Variants in PDE11A observed in about 807,000 individuals in gnomAD.
PDE11A encodes dual 3',5'-cyclic-AMP and -GMP phosphodiesterase 11A.
A neutral mutation model predicts 100.5 loss-of-function variants in PDE11A; 100 were observed. That is an observed-to-expected ratio of 1.00 (90% CI 0.85 to 1.18). PDE11A has a LOEUF of 1.18. PDE11A is among the 50% of genes most tolerant of loss of function. PDE11A has a pLI of 0.00. For missense variants in PDE11A, 1,141 were observed against 1,152.6 expected, an observed-to-expected ratio of 0.99 and a Z score of 0.15; for synonymous variants, 381 against 420.8, an observed-to-expected ratio of 0.91 and a Z score of 1.16.
At chr2:177,984,288 C>T (rs1164355838) in intron 2 of PDE11A, among the ~76,000 whole-genome samples, 1 of 152,096 alleles carries the variant, frequency 6.6e-6, no homozygotes, top group African/African-American at 2.4e-5. Context: ...CAGATTGTAG[C>T]AACAGGGTAA....
At chr2:178,082,733 C>T (rs1456173259) in intron 2 of PDE11A, among the ~76,000 whole-genome samples, 1 of 152,192 alleles carries the variant, frequency 6.6e-6, no homozygotes, top group Non-Finnish European at 1.5e-5. Flanking sequence ...TGTTTTTGCT[C>T]TCTGACATCA....
chr2:177,725,241 A>G (rs908430106), intron 12 of PDE11A, among the ~76,000 whole-genome samples: 1 of 152,120 alleles, frequency 6.6e-6, no homozygotes, highest in African/African-American at 2.4e-5. Context: ...TACTTCTGTA[A>G]TTATTTTCTT....
intron 14 of PDE11A, among the ~76,000 whole-genome samples, chr2:177,700,682 C>G (rs2081183766): frequency 1.3e-5 from 2 of 152,168 alleles, no homozygotes; most frequent in South Asian, 4.1e-4. Flanking sequence ...TATAGTTTCT[C>G]AATTGTGCTA....
At chr2:177,893,889 T>A (rs1294376889) in intron 4 of PDE11A, among the ~76,000 whole-genome samples, 1 of 152,200 alleles carries the variant, frequency 6.6e-6, no homozygotes, top group Non-Finnish European at 1.5e-5. Context: ...ATATACCTAT[T>A]ATTGAAATAT....
intron 9 of PDE11A, among the ~76,000 whole-genome samples, chr2:177,777,269 T>C (rs1043146688): frequency 2.6e-5 from 4 of 152,158 alleles, no homozygotes; most frequent in Non-Finnish European, 5.9e-5. Flanking sequence ...TTTGTTGTTA[T>C]GGCAGCCCAA....
At chr2:177,996,009 C>T (rs1205032026) in intron 2 of PDE11A, among the ~76,000 whole-genome samples, 1 of 152,044 alleles carries the variant, frequency 6.6e-6, no homozygotes, top group Non-Finnish European at 1.5e-5. Flanking sequence ...GGTGGATTGC[C>T]TGAGGTTAGG....
At chr2:177,971,429 C>G (rs2085769153) in intron 2 of PDE11A, among the ~76,000 whole-genome samples, 1 of 152,114 alleles carries the variant, frequency 6.6e-6, no homozygotes, top group Non-Finnish European at 1.5e-5. Context: ...TAGGAAGGCT[C>G]AAAAGTCCCT....
chr2:178,062,416 G>A (rs2086984381), intron 1 of PDE11A, among the ~76,000 whole-genome samples: 1 of 151,948 alleles, frequency 6.6e-6, no homozygotes, highest in African/African-American at 2.4e-5. Flanking sequence ...GTGGTTCTCT[G>A]GAAGCAAAAG....
intron 3 of PDE11A, among the ~76,000 whole-genome samples, chr2:177,904,618 G>A (rs923836168): frequency 1.3e-5 from 2 of 149,338 alleles, no homozygotes; most frequent in African/African-American, 2.5e-5. Context: ...GCAGTGGTGC[G>A]ATCTCCACTC....
intron 9 of PDE11A, among the ~76,000 whole-genome samples, chr2:177,810,489 G>C (rs943699321): frequency 2.6e-5 from 4 of 152,132 alleles, no homozygotes; most frequent in Non-Finnish European, 5.9e-5. Context: ...TGCTTTGAAT[G>C]ATGGGAACAT....
At chr2:177,747,161 T>C (rs143705433) in intron 10 of PDE11A, among the ~76,000 whole-genome samples, 34 of 152,278 alleles carry the variant, frequency 2.2e-4, no homozygotes, top group African/African-American at 7.0e-4. Context: ...CATATAACAG[T>C]ACTCTGAGGG....
chr2:178,015,880 A>G (rs536104252), intron 1 of PDE11A, among the ~76,000 whole-genome samples: 81 of 152,270 alleles, frequency 5.3e-4, no homozygotes, highest in Non-Finnish European at 9.0e-4. Context: ...TCTGATGATA[A>G]ACTATTTCAA....
In PDE11A at chr2:177,758,296, CAAAA is replaced by C. The variant is rs78765770; in HGVS notation, c.1788+11023_1788+11026del. 2.2e-4 allele frequency among the ~76,000 whole-genome samples: 14 copies of C among 65,014 alleles called. No individual in the cohort carries two copies. In the East Asian group the frequency reaches 4.8e-3, roughly 22 times the overall value. 42.7% of individuals were successfully genotyped at this position (65,014 alleles called of 152,430 possible). A position where few individuals can be genotyped will look rare whatever the true frequency, so the allele number is the denominator to read the frequency against. ...TGGGTGAGAGTGCAAGACTCCGTCT[CAAAA>C]AAAAAAAAAAAAAAAAAAAGAATAT... is the stretch of plus-strand genomic sequence containing the variant. On this transcript the variant is annotated intron_variant, in intron 10 of 19. Coordinates refer to ENST00000286063, the MANE Select transcript of PDE11A (RefSeq NM_016953.4).
At chr2:177,689,405 C>T (rs1392196159) in intron 15 of PDE11A, among the ~76,000 whole-genome samples, 5 of 152,110 alleles carry the variant, frequency 3.3e-5, no homozygotes, top group Admixed American at 1.3e-4. Flanking sequence ...AATTTTAACT[C>T]CAGAGTTGTC....
At chr2:178,108,281 C>T (rs12989423) in exon 1 of PDE11A, 14,999 of 152,358 alleles carry the variant, frequency 0.098, 801 homozygotes, top group African/African-American at 0.12. Flanking sequence ...CCAGAGTCCA[C>T]GCCTCAACTT....
chr2:177,849,184 C>A (rs114364178), intron 5 of PDE11A, among the ~76,000 whole-genome samples: 1 of 152,132 alleles, frequency 6.6e-6, no homozygotes, highest in Non-Finnish European at 1.5e-5. Context: ...CATCCTTACA[C>A]GGATGTCAGC....
intron 9 of PDE11A, among the ~76,000 whole-genome samples, chr2:177,816,237 G>C (rs2083036993): frequency 6.6e-6 from 1 of 152,120 alleles, no homozygotes; most frequent in Non-Finnish European, 1.5e-5. Context: ...CTACAGAGCA[G>C]AAGCTAGAAA....
rs373211421 is a variant in PDE11A at position 177,750,165 on chromosome 2, A to G, written c.1788+19158T>C. ...GTTTTATTTCCACCTCCTTTCAGAG[A>G]TCCCTGGCTGGAGGTAAAGACTTGC... On this transcript the variant is annotated intron_variant, in intron 10 of 19. Transcript: ENST00000286063. Among the ~76,000 whole-genome samples, 134 of 152,326 alleles carry G rather than the reference A, an allele frequency of 8.8e-4. 4 individuals carry two copies. Among genetic ancestry groups the G allele is most frequent in the African/African-American group, 2.9e-3 (119 of 41,558 alleles).
intron 1 of PDE11A, among the ~76,000 whole-genome samples, chr2:178,044,401 A>ATATATATATAAACTTTATATATATGTTTT (rs1559052616): frequency 4.8e-5 from 7 of 147,228 alleles, no homozygotes; most frequent in Non-Finnish European, 7.5e-5. Flanking sequence ...TTATATGTTT[A>ATATATATATAAACTTTATATATATGTTTT]TATATATATA....
Sources: allele counts gnomAD v4.1 joint callset (sites outside exome capture counted in the v4.1 genomes callset), GRCh38; gene constraint gnomAD v4.1.1; transcripts MANE v1.5; gene names NCBI Gene and HGNC (gene_info 2026-07-23, HGNC 2026-07-21).